The following UBE2F variants were observed in gnomAD, a reference collection of about 807,000 sequenced individuals.
UBE2F encodes ubiquitin conjugating enzyme E2 F (putative).
Under a neutral mutation model 29.6 loss-of-function variants are expected in UBE2F, and 5 were observed. The observed-to-expected ratio is 0.17, with a 90% confidence interval of 0.09 to 0.36. UBE2F has a LOEUF of 0.36. UBE2F is among the 10% of genes least tolerant of loss of function. UBE2F has a pLI of 1.00. For missense variants in UBE2F, 141 were observed against 228.5 expected (o/e 0.62, Z 2.47); for synonymous variants, 66 against 81.8 (o/e 0.81, Z 1.04).
At chr2:237,973,460 GTTCT>G (rs2063214232) in intron 2 of UBE2F, among the ~76,000 whole-genome samples, 1 of 152,236 alleles carries the variant, frequency 6.6e-6, no homozygotes, top group Non-Finnish European at 1.5e-5. Context: ...CACTTGGGAT[GTTCT>G]TTGTCACGTC....
At chr2:238,023,718 T>C (rs2064347493) in intron 5 of UBE2F, among the ~76,000 whole-genome samples, 1 of 152,236 alleles carries the variant, frequency 6.6e-6, no homozygotes, top group African/African-American at 2.4e-5. Context: ...GATGAGATCC[T>C]GTGATTTGAC....
chr2:237,999,251 G>A (rs963211954), intron 4 of UBE2F, among the ~76,000 whole-genome samples: 1 of 152,062 alleles, frequency 6.6e-6, no homozygotes, highest in African/African-American at 2.4e-5. Context: ...TGTAGTTTTA[G>A]TAGAGACGGG....
rs138125041 is a variant in UBE2F, at chr2:237,983,266, C to T, written c.119-4697C>T. Among the ~76,000 whole-genome samples the T allele has an allele frequency of 2.8e-3, 433 of 152,358 alleles. 1 individual carries two copies. Among genetic ancestry groups the T allele is most frequent in the African/African-American group, 0.01 (416 of 41,580 alleles). On this transcript the variant is annotated intron_variant, in intron 2 of 9. Coordinates refer to ENST00000272930, the MANE Select transcript of UBE2F (RefSeq NM_080678.3). ...GTGGGTGAACTCTTTCTCCTCTTCT[C>T]CCCACACTCAGCTCCGCTGAAGAGA...
intron 2 of UBE2F, among the ~76,000 whole-genome samples, chr2:237,980,446 C>T (rs1465179389): frequency 6.6e-6 from 1 of 152,184 alleles, no homozygotes; most frequent in East Asian, 1.9e-4. Flanking sequence ...AGAAGGGGAG[C>T]TCTGGTCCCT....
intron 4 of UBE2F, among the ~76,000 whole-genome samples, chr2:237,996,902 T>A (rs2106356093): frequency 6.6e-6 from 1 of 152,360 alleles, no homozygotes; most frequent in South Asian, 2.1e-4. Flanking sequence ...GTTACAGTTT[T>A]TGTACTCACT....
chr2:237,993,573 TGTG>T (rs1181000520), intron 3 of UBE2F, among the ~76,000 whole-genome samples: 1 of 151,902 alleles, frequency 6.6e-6, no homozygotes, highest in Non-Finnish European at 1.5e-5. Flanking sequence ...ATTAGCCAGG[TGTG>T]GTGGTGTGCA....
At chr2:238,023,041 G>A (rs563890064) in intron 5 of UBE2F, among the ~76,000 whole-genome samples, 1 of 152,356 alleles carries the variant, frequency 6.6e-6, no homozygotes, top group Non-Finnish European at 1.5e-5. Context: ...GGGAGATGTG[G>A]TAGCACCAGG....
In UBE2F at chr2:238,042,008, G is replaced by A. The variant is rs2106423171; in HGVS notation, c.*670G>A. The A allele has an allele frequency of 6.5e-6, 1 of 152,726 alleles. No homozygotes were observed. The highest frequency in any genetic ancestry group is 2.1e-4 in the South Asian group (1 of 4,818). 9.5% of individuals were successfully genotyped at this position (152,726 alleles called of 1,614,324 possible). On this transcript the variant is annotated 3_prime_UTR_variant, in exon 10 of 10. Transcript: ENST00000272930. ...TGTATAGAGCAGACAGAAAGATGTT[G>A]GGTCAAGCAACTATTGAAGAGAAAT... is the stretch of plus-strand genomic sequence containing the variant.
At chr2:238,030,751 C>T (rs1042504370) in intron 7 of UBE2F, 138 bp downstream of exon 7, 3 of 685,066 alleles carry the variant, frequency 4.4e-6, no homozygotes, top group Middle Eastern at 2.4e-4. Context: ...GCCTCCTCTT[C>T]TCCCTGCTGC....
At chr2:237,999,228 G>A (rs2063745795) in intron 4 of UBE2F, among the ~76,000 whole-genome samples, 1 of 151,968 alleles carries the variant, frequency 6.6e-6, no homozygotes, top group Non-Finnish European at 1.5e-5. Flanking sequence ...TAATGTTTTT[G>A]AGTTTCATCC....
Position 238,040,129 on chromosome 2 carries a change from C to T in UBE2F, c.508-1159C>T, listed in dbSNP as rs1039055646. 2.0e-5 allele frequency among the ~76,000 whole-genome samples: 3 copies of T among 152,180 alleles called. No individual in the cohort carries two copies. The highest frequency in any genetic ancestry group is 7.2e-5 in the African/African-American group (3 of 41,442). Reference sequence around the variant, plus strand: ...TTCTCACCCTGAGACCAGAGCAAGTCATGGGACCGTATCCATAGCTTCAAA... The same window carrying T: ...TTCTCACCCTGAGACCAGAGCAAGTTATGGGACCGTATCCATAGCTTCAAA... On this transcript the variant is annotated intron_variant, in intron 9 of 9. Transcript: ENST00000272930. This position sits in a 1 kb window ranked among gnomAD's most constrained non-coding sequence, Gnocchi z 4.4.
chr2:237,970,696 C>T (rs975737103), intron 1 of UBE2F, among the ~76,000 whole-genome samples: 3 of 152,120 alleles, frequency 2.0e-5, no homozygotes, highest in Admixed American at 6.6e-5. Flanking sequence ...GTATTGTTTT[C>T]GTTTTGAAAA....
intron 9 of UBE2F, 92 bp downstream of exon 9, chr2:238,036,032 A>C (rs537564374): frequency 8.5e-7 from 1 of 1,170,546 alleles, no homozygotes; most frequent in East Asian, 2.4e-5. Context: ...AAATTTATCC[A>C]CCAAGAGAGT....
chr2:237,976,344 T>C (rs547877313), intron 2 of UBE2F, among the ~76,000 whole-genome samples: 1 of 152,322 alleles, frequency 6.6e-6, no homozygotes, highest in East Asian at 1.9e-4. Flanking sequence ...AAACAGACTG[T>C]CCCATCTTCT....
chr2:237,968,094 G>C (rs1559195274), intron 1 of UBE2F, among the ~76,000 whole-genome samples: 1 of 152,164 alleles, frequency 6.6e-6, no homozygotes, highest in African/African-American at 2.4e-5. Flanking sequence ...GAAGCTTCTG[G>C]AAATGAACAG....
chr2:238,026,943 T>C (rs1324071329), intron 6 of UBE2F, among the ~76,000 whole-genome samples: 1 of 152,264 alleles, frequency 6.6e-6, no homozygotes, highest in Admixed American at 6.5e-5. Context: ...GGTTGCAGGT[T>C]ATAAATGTGT....
chr2:238,026,844 A>G lies in UBE2F; in HGVS notation c.353+1432A>G, dbSNP rs368105338. ...GTTTTTCACAGATGGTTAAAAATAC[A>G]TTTTACCAGACATACCTTTTTAAAA... On this transcript the variant is annotated intron_variant, in intron 6 of 9. Transcript: ENST00000272930. 3.4e-4 allele frequency among the ~76,000 whole-genome samples: 52 copies of G among 152,328 alleles called. No individual in the cohort carries two copies. In the East Asian group the frequency reaches 7.9e-3, roughly 23 times the overall value.
chr2:238,032,185 G>T (rs762040999), intron 7 of UBE2F, 37 bp from the exon 8 acceptor site: 1 of 1,590,992 alleles, frequency 6.3e-7, no homozygotes, highest in Non-Finnish European at 8.6e-7. Flanking sequence ...GTGCACTTTG[G>T]CTTAAAACTT....
rs1395218081 is a variant in UBE2F, at chr2:237,967,077, C to G, written c.-72C>G. ...GGGGCCGCGTCTCGCAGCAGCCGCCCGGACCGGGCATGGTGTTGGGCGCCG... is the reference window on the plus strand; with the variant it reads ...GGGGCCGCGTCTCGCAGCAGCCGCCGGGACCGGGCATGGTGTTGGGCGCCG... On this transcript the variant is annotated 5_prime_UTR_variant, in exon 1 of 10. Transcript: ENST00000272930. This position sits in a 1 kb window ranked among gnomAD's most constrained non-coding sequence, Gnocchi z 6.3. 1.7e-4 allele frequency: 223 copies of G among 1,330,642 alleles called. No homozygotes were observed. The highest frequency in any genetic ancestry group is 2.1e-4 in the Non-Finnish European group (213 of 1,038,620). The allele number at this position is 1,330,642 out of a possible 1,614,324, so 82.4% of individuals were successfully genotyped here. A position where few individuals can be genotyped will look rare whatever the true frequency, so the allele number is the denominator to read the frequency against.
Sources: allele counts gnomAD v4.1 joint callset (sites outside exome capture counted in the v4.1 genomes callset), GRCh38; gene constraint gnomAD v4.1.1; non-coding constraint Gnocchi (gnomAD v3.1); transcripts MANE v1.5; gene names NCBI Gene and HGNC (gene_info 2026-07-23, HGNC 2026-07-21).